Variants in RASEF observed in about 807,000 individuals in gnomAD.
RASEF encodes the protein ras and EF-hand domain-containing protein.
A neutral mutation model predicts 90.1 loss-of-function variants in RASEF; 68 were observed. That is an observed-to-expected ratio of 0.75 (90% CI 0.62 to 0.92). RASEF has a LOEUF of 0.92. Ranked by LOEUF, RASEF falls within the 40% of genes least tolerant of loss-of-function variation. The probability of loss-of-function intolerance (pLI) is 0.00; values close to 1 mark genes in which losing one functional copy is unlikely to be tolerated. For synonymous variants in RASEF, 331 were observed against 345.2 expected (o/e 0.96, Z 0.46); for missense variants, 949 against 937.2 (o/e 1.01, Z -0.16).
upstream of RASEF, among the ~76,000 whole-genome samples, chr9:83,064,327 C>A (rs999374477): frequency 6.6e-6 from 1 of 152,160 alleles, no homozygotes; most frequent in African/African-American, 2.4e-5. Flanking sequence ...ATTAGAAGTC[C>A]TGGTCTTAGC....
the RASEF span, among the ~76,000 whole-genome samples, chr9:83,102,808 G>T: frequency 6.6e-6 from 1 of 152,160 alleles, no homozygotes; most frequent in Non-Finnish European, 1.5e-5. Context: ...GAGGACAGAC[G>T]GGTAGTAGCT....
chr9:83,070,074 A>C, the RASEF span, among the ~76,000 whole-genome samples: 2 of 151,128 alleles, frequency 1.3e-5, no homozygotes, highest in African/African-American at 4.9e-5. Flanking sequence ...GTACTTTGAA[A>C]ATCTGTGCTT....
chr9:83,169,332 C>T, the RASEF span, among the ~76,000 whole-genome samples: 1 of 146,818 alleles, frequency 6.8e-6, no homozygotes, highest in Non-Finnish European at 1.5e-5. Context: ...AATAATATCT[C>T]TGATATACTG....
At chr9:83,055,389 C>G (rs913776697) in intron 1 of RASEF, 1 of 500,252 alleles carries the variant, frequency 2.0e-6, no homozygotes, top group Non-Finnish European at 3.6e-6. Flanking sequence ...GGCAATGCCT[C>G]GCCCTGCTTC....
At chr9:83,166,833 A>G in the RASEF span, among the ~76,000 whole-genome samples, 1 of 152,196 alleles carries the variant, frequency 6.6e-6, no homozygotes, top group Admixed American at 6.6e-5. Context: ...TGGCACACTC[A>G]GGTAGACCCC....
At chr9:83,095,116 G>T in the RASEF span, among the ~76,000 whole-genome samples, 12 of 152,158 alleles carry the variant, frequency 7.9e-5, no homozygotes, top group Admixed American at 3.3e-4. Flanking sequence ...AAAGATGGCA[G>T]TTCTGGAACC....
At chr9:83,080,563 T>A in the RASEF span, among the ~76,000 whole-genome samples, 1 of 152,162 alleles carries the variant, frequency 6.6e-6, no homozygotes, top group Non-Finnish European at 1.5e-5. Flanking sequence ...TTCCAAGGAC[T>A]TTCCCTAAAA....
chr9:83,025,725 G>A (rs375174734), intron 2 of RASEF, 50 bp downstream of exon 2: 131 of 1,583,096 alleles, frequency 8.3e-5, no homozygotes, highest in Non-Finnish European at 1.1e-4. Flanking sequence ...CCAGGTCAGA[G>A]AGCAAGTTAA....
chr9:83,048,761 C>T, intron 1 of RASEF: 1 of 981,708 alleles, frequency 1.0e-6, no homozygotes, highest in Non-Finnish European at 1.2e-6. Flanking sequence ...TGTTTTCCGT[C>T]CTATATAGTT....
chr9:83,079,287 A>G, the RASEF span, among the ~76,000 whole-genome samples: 1 of 152,206 alleles, frequency 6.6e-6, no homozygotes, highest in Non-Finnish European at 1.5e-5. Flanking sequence ...CAGTTAGCCC[A>G]GCAAAATTTA....
upstream of RASEF, among the ~76,000 whole-genome samples, chr9:83,067,986 C>A (rs1473221389): frequency 1.3e-5 from 2 of 152,170 alleles, no homozygotes; most frequent in Admixed American, 1.3e-4. Flanking sequence ...AGGTGATCCT[C>A]CCGTCTCAGT....
In RASEF at chr9:83,062,506, G is replaced by A. The variant is rs777123993; in HGVS notation, c.362C>T (p.Pro121Leu). Residue 121 changes from proline (P) to leucine (L), a missense_variant, in exon 1 of 17, where the codon CCG becomes CTG. Physicochemically the swap from Pro to Leu is moderately conservative, Grantham distance 98. This residue lies in a region of RASEF where 656 missense variants were observed against 592.2 expected (regional missense o/e 1.11). Coordinates refer to ENST00000376447, the MANE Select transcript of RASEF (RefSeq NM_152573.4). ...CTGCCAAGCCCGGCCGGGACTCGCC[G>A]GGCCGCACGAGGTGGCCAGCGCCGC... ...AAAALATSCG[P>L]ASPGRAWQDF... The A allele has an allele frequency of 1.9e-6, 3 of 1,611,136 alleles. No homozygotes were observed. The highest frequency in any genetic ancestry group is 1.1e-5 in the South Asian group (1 of 90,912).
chr9:83,105,868 AG>A, the RASEF span, among the ~76,000 whole-genome samples: 1 of 152,212 alleles, frequency 6.6e-6, no homozygotes, highest in African/African-American at 2.4e-5. Flanking sequence ...TGCCGGCTGC[AG>A]GACTGCAGCC....
intron 1 of RASEF, chr9:83,054,863 CA>C (rs1830074382): frequency 4.6e-5 from 7 of 151,876 alleles, no homozygotes; most frequent in Admixed American, 4.6e-4. Context: ...GCTTGGGGGT[CA>C]GGGGTCAGGG....
chr9:83,181,477 G>A, the RASEF span, among the ~76,000 whole-genome samples: 1 of 152,166 alleles, frequency 6.6e-6, no homozygotes, highest in Non-Finnish European at 1.5e-5. Flanking sequence ...CATGGGATGC[G>A]ATTCCCATTA....
rs535672382 is a variant in RASEF, at chr9:83,012,988, A to G, written c.766-477T>C. Among the ~76,000 whole-genome samples, 77 of 152,342 alleles carry G rather than the reference A, an allele frequency of 5.1e-4. 1 individual carries two copies. Among genetic ancestry groups the G allele is most frequent in the Non-Finnish European group, 2.9e-4 (20 of 68,026 alleles). On this transcript the variant is annotated intron_variant, in intron 4 of 16. Coordinates refer to ENST00000376447, the MANE Select transcript of RASEF (RefSeq NM_152573.4). ...GTTTTCTTCATGGTGAGTTTAAGAA[A>G]TGCTTATTAAATAACTAAAATCAAT...
chr9:83,179,049 C>A, the RASEF span, among the ~76,000 whole-genome samples: 1 of 152,140 alleles, frequency 6.6e-6, no homozygotes, highest in Non-Finnish European at 1.5e-5. Context: ...TGATTACTAC[C>A]CTCATGACTT....
At chr9:83,215,793 G>C in the RASEF span, among the ~76,000 whole-genome samples, 1 of 152,126 alleles carries the variant, frequency 6.6e-6, no homozygotes, top group Admixed American at 6.5e-5. Context: ...GAAAATATGG[G>C]AAAGTTTGGA....
intron 4 of RASEF, among the ~76,000 whole-genome samples, chr9:83,014,190 G>C (rs1206750514): frequency 6.6e-6 from 1 of 152,184 alleles, no homozygotes; most frequent in African/African-American, 2.4e-5. Flanking sequence ...TTGAAAATTA[G>C]ATATAAGGTT....
Sources: allele counts gnomAD v4.1 joint callset (sites outside exome capture counted in the v4.1 genomes callset), GRCh38; gene constraint gnomAD v4.1.1; regional missense constraint gnomAD v4.1.1; transcripts MANE v1.5; gene names NCBI Gene and HGNC (gene_info 2026-07-23, HGNC 2026-07-21).